Variants in ANO2 observed in about 807,000 individuals in gnomAD.
ANO2 encodes anoctamin 2.
A neutral mutation model predicts 124.2 loss-of-function variants in ANO2; 101 were observed. That is an observed-to-expected ratio of 0.81 (90% CI 0.69 to 0.96). ANO2 has a LOEUF of 0.96. Among genes scored for constraint, ANO2 ranks in the 40% least tolerant of loss-of-function variants. The pLI, the probability that ANO2 is intolerant of heterozygous loss-of-function variation, is 0.00. For synonymous variants in ANO2, 486 were observed against 482.5 expected (o/e 1.01, Z -0.09); for missense variants, 1,293 against 1,274.5 (o/e 1.01, Z -0.22).
chr12:5,921,965 C>T (rs1370309315), intron 2 of ANO2, among the ~76,000 whole-genome samples: 1 of 152,190 alleles, frequency 6.6e-6, no homozygotes, highest in Non-Finnish European at 1.5e-5. Flanking sequence ...TCTCTGGATC[C>T]ATTGGAACAA....
intron 14 of ANO2, among the ~76,000 whole-genome samples, chr12:5,663,464 A>C (rs1192670197): frequency 6.6e-6 from 1 of 152,162 alleles, no homozygotes; most frequent in South Asian, 2.1e-4. Flanking sequence ...TGCTGAATAC[A>C]GCAGTATGTG....
intron 10 of ANO2, among the ~76,000 whole-genome samples, chr12:5,773,064 C>A (rs1379562963): frequency 6.6e-6 from 1 of 152,226 alleles, no homozygotes; most frequent in African/African-American, 2.4e-5. Flanking sequence ...GTGTTGATTT[C>A]CCCAGTTCCC....
intron 14 of ANO2, among the ~76,000 whole-genome samples, chr12:5,719,261 G>A (rs184173327): frequency 1.8e-4 from 27 of 152,252 alleles, no homozygotes; most frequent in Admixed American, 7.2e-4. Flanking sequence ...CCATGTGCAC[G>A]TTCAAGGCAG....
At position 5,912,312 on chromosome 12, in the gene ANO2, A is replaced by T. The variant is rs531600738; in HGVS notation, c.534+8728T>A. Among the ~76,000 whole-genome samples the T allele has an allele frequency of 2.0e-5, 3 of 152,250 alleles. No individual in the cohort carries two copies. The South Asian group carries it at 6.2e-4, about 32-fold the overall frequency. ...AGAGAATAAAGAACAAGAGGAGCAG[A>T]AGCAAGAAGACCTTATTTCAAGGCC... On this transcript the variant is annotated intron_variant, in intron 3 of 24. Transcript: ENST00000682330.
intron 3 of ANO2, among the ~76,000 whole-genome samples, chr12:5,919,526 G>C (rs1941575227): frequency 1.4e-5 from 2 of 143,484 alleles, no homozygotes; most frequent in Admixed American, 1.4e-4. Flanking sequence ...AAAGCAGAGA[G>C]GGCAATAGCA....
At chr12:5,829,420 T>C (rs370667209) in intron 6 of ANO2, among the ~76,000 whole-genome samples, 2 of 152,206 alleles carry the variant, frequency 1.3e-5, no homozygotes, top group South Asian at 4.1e-4. Context: ...GGATCTGAGA[T>C]GTCCTTGCCC....
intron 7 of ANO2, among the ~76,000 whole-genome samples, chr12:5,820,582 G>C (rs1192438626): frequency 6.6e-6 from 1 of 152,198 alleles, no homozygotes; most frequent in Non-Finnish European, 1.5e-5. Context: ...AGCTACTATG[G>C]TGGGAAAGGT....
intron 14 of ANO2, among the ~76,000 whole-genome samples, chr12:5,716,195 G>A (rs4930748): frequency 0.14 from 21,559 of 152,112 alleles, 1,614 homozygotes; most frequent in Middle Eastern, 0.23. Flanking sequence ...AAAAATAAAA[G>A]CTATTTAATT....
At chr12:5,796,546 CACAA>C (rs1424372964) in intron 10 of ANO2, among the ~76,000 whole-genome samples, 1 of 152,088 alleles carries the variant, frequency 6.6e-6, no homozygotes, top group African/African-American at 2.4e-5. Flanking sequence ...CACTAACACA[CACAA>C]ACACTCTCAT....
chr12:5,679,045 G>A (rs1477329423), intron 14 of ANO2, among the ~76,000 whole-genome samples: 8 of 152,194 alleles, frequency 5.3e-5, no homozygotes, highest in Admixed American at 2.0e-4. Flanking sequence ...AGTATGACAC[G>A]ACCTCTAAAA....
chr12:5,705,921 G>A (rs538440940), intron 14 of ANO2, among the ~76,000 whole-genome samples: 7 of 152,278 alleles, frequency 4.6e-5, no homozygotes, highest in Admixed American at 2.6e-4. Context: ...CTGCCAGGTC[G>A]ACAAGGTTCA....
chr12:5,721,425 T>G (rs1456525246), intron 14 of ANO2, among the ~76,000 whole-genome samples: 1 of 151,986 alleles, frequency 6.6e-6, no homozygotes, highest in Non-Finnish European at 1.5e-5. Context: ...CTTTTTAAGC[T>G]TTCTGCTCTT....
intron 19 of ANO2, among the ~76,000 whole-genome samples, chr12:5,607,060 AT>A (rs1479536765): frequency 1.7e-5 from 2 of 118,918 alleles, no homozygotes; most frequent in Admixed American, 8.7e-5. Context: ...ACTTGCCTCT[AT>A]TTAAAAAAAA....
At chr12:5,771,145 T>C (rs1249125716) in intron 10 of ANO2, among the ~76,000 whole-genome samples, 1 of 152,226 alleles carries the variant, frequency 6.6e-6, no homozygotes, top group Admixed American at 6.5e-5. Context: ...TCTTAGTGCC[T>C]AGAATGTGCT....
chr12:5,795,442 C>T (rs532350714), intron 10 of ANO2, among the ~76,000 whole-genome samples: 2 of 152,290 alleles, frequency 1.3e-5, no homozygotes, highest in Admixed American at 6.5e-5. Flanking sequence ...GGGACCATTA[C>T]CCCTCTTCAG....
intron 13 of ANO2, chr12:5,732,951 G>T: frequency 6.5e-7 from 1 of 1,548,100 alleles, no homozygotes; most frequent in Non-Finnish European, 8.9e-7. Context: ...GGGGCCCAGT[G>T]CTTTGCAGAG....
At chr12:5,628,221 C>T (rs1332398149) in intron 16 of ANO2, among the ~76,000 whole-genome samples, 1 of 152,230 alleles carries the variant, frequency 6.6e-6, no homozygotes, top group East Asian at 1.9e-4. Context: ...TCTCTCTGTG[C>T]ATGTGGGACA....
At chr12:5,753,982 T>C (rs1293862885) in intron 10 of ANO2, among the ~76,000 whole-genome samples, 1 of 152,212 alleles carries the variant, frequency 6.6e-6, no homozygotes, top group Non-Finnish European at 1.5e-5. Flanking sequence ...AAAACTTTTT[T>C]TACTATTGAA....
intron 23 of ANO2, 139 bp from the exon 24 acceptor site, chr12:5,565,802 G>T (rs977613912): frequency 9.2e-6 from 6 of 652,546 alleles, no homozygotes; most frequent in African/African-American, 3.7e-5. Flanking sequence ...AGGGGGAAGT[G>T]GGGGGAATCT....
Sources: allele counts gnomAD v4.1 joint callset (sites outside exome capture counted in the v4.1 genomes callset), GRCh38; gene constraint gnomAD v4.1.1; transcripts MANE v1.5; gene names NCBI Gene and HGNC (gene_info 2026-07-23, HGNC 2026-07-21).